Variants in TBC1D5 observed in about 807,000 individuals in gnomAD.
TBC1D5 encodes the protein TBC1 domain family, member 5.
Under a neutral mutation model 100.3 loss-of-function variants are expected in TBC1D5, and 75 were observed. The ratio of observed to expected loss-of-function variants is 0.75; its 90% CI spans 0.62 to 0.91. TBC1D5 has a LOEUF of 0.91. Ranked by LOEUF, TBC1D5 falls within the 40% of genes least tolerant of loss-of-function variation. The pLI is 0.00. For missense variants in TBC1D5, 910 were observed against 942.4 expected (o/e 0.97, Z 0.45); for synonymous variants, 323 against 325.6 (o/e 0.99, Z 0.09).
chr3:17,449,340 GT>G (rs1003644736), intron 3 of TBC1D5, among the ~76,000 whole-genome samples: 31 of 152,182 alleles, frequency 2.0e-4, no homozygotes, highest in Non-Finnish European at 4.0e-4. Flanking sequence ...GCTAGTAGGA[GT>G]TTTTTTCATA....
intron 2 of TBC1D5, among the ~76,000 whole-genome samples, chr3:17,569,618 T>A (rs1265129858): frequency 6.6e-6 from 1 of 151,664 alleles, no homozygotes; most frequent in African/African-American, 2.4e-5. Flanking sequence ...ACAAGAGGAC[T>A]GTATATTATA....
chr3:17,376,419 T>C (rs571792149), intron 10 of TBC1D5, 106 bp downstream of exon 10: 22 of 941,504 alleles, frequency 2.3e-5, no homozygotes, highest in Non-Finnish European at 3.1e-5. Flanking sequence ...TTACAACTTG[T>C]ACAGCTTGTA....
At position 17,330,590 on chromosome 3, in the gene TBC1D5, T is replaced by C. The variant is rs532816316; in HGVS notation, c.996-22456A>G. On this transcript the variant is annotated intron_variant, in intron 13 of 21. Transcript: ENST00000253692. ...ACAGAACTCTCCCATTTTCCAATCA[T>C]CTCACCTAGAAAATTACCAGCACCC... Among the ~76,000 whole-genome samples, 4 of 152,230 alleles carry C rather than the reference T, an allele frequency of 2.6e-5. No homozygotes were observed. The South Asian group carries it at 8.3e-4, about 32-fold the overall frequency.
chr3:17,226,930 A>T (rs577601204), intron 17 of TBC1D5, among the ~76,000 whole-genome samples: 1 of 152,306 alleles, frequency 6.6e-6, no homozygotes, highest in African/African-American at 2.4e-5. Context: ...GTAGTCTTTC[A>T]TTCGTGACCA....
At chr3:17,579,382 G>C (rs1323799733) in intron 2 of TBC1D5, among the ~76,000 whole-genome samples, 4 of 152,042 alleles carry the variant, frequency 2.6e-5, no homozygotes, top group Non-Finnish European at 5.9e-5. Context: ...CTGATCGTAT[G>C]TTCATATAAT....
intron 13 of TBC1D5, among the ~76,000 whole-genome samples, chr3:17,310,603 C>T (rs944749479): frequency 3.9e-5 from 6 of 151,980 alleles, no homozygotes; most frequent in Non-Finnish European, 7.4e-5. Flanking sequence ...ACTGTAAAGC[C>T]ACCTTTACTG....
intron 2 of TBC1D5, among the ~76,000 whole-genome samples, chr3:17,523,134 A>G (rs2096081748): frequency 6.6e-6 from 1 of 152,196 alleles, no homozygotes; most frequent in Non-Finnish European, 1.5e-5. Context: ...TCAGACAGGA[A>G]TCATTATTAC....
intron 3 of TBC1D5, among the ~76,000 whole-genome samples, chr3:17,493,753 G>A (rs761759561): frequency 3.3e-5 from 5 of 151,960 alleles, no homozygotes; most frequent in Admixed American, 2.0e-4. Context: ...CAAAGTTCTC[G>A]CCCTGCATTT....
chr3:17,438,283 T>G (rs1185435351), intron 3 of TBC1D5, among the ~76,000 whole-genome samples: 3 of 152,188 alleles, frequency 2.0e-5, no homozygotes, highest in African/African-American at 7.2e-5. Context: ...TTGAAAATAT[T>G]TCTTTAAACT....
At chr3:17,291,094 A>C (rs1202819409) in intron 15 of TBC1D5, among the ~76,000 whole-genome samples, 2 of 152,254 alleles carry the variant, frequency 1.3e-5, no homozygotes, top group Non-Finnish European at 2.9e-5. Context: ...GACAACTGCC[A>C]ACATGACTGT....
intron 2 of TBC1D5, among the ~76,000 whole-genome samples, chr3:17,518,011 T>A (rs1331488748): frequency 6.6e-6 from 1 of 152,184 alleles, no homozygotes; most frequent in East Asian, 1.9e-4. Flanking sequence ...CTGGCAATAA[T>A]AATAAACATT....
At chr3:17,715,373 C>T (rs747074974) in intron 1 of TBC1D5, among the ~76,000 whole-genome samples, 1 of 152,260 alleles carries the variant, frequency 6.6e-6, no homozygotes, top group Non-Finnish European at 1.5e-5. Context: ...AGCCCTATGA[C>T]AATGATTTTT....
chr3:17,690,316 A>G lies in TBC1D5; in HGVS notation c.-101+49027T>C, dbSNP rs1456242403. ...ACTGCAAGCTCTGCCTCCCGGGTTCACGCCATTCTCCCGCCTCAGCCTCCC... is the reference window on the plus strand; with the variant it reads ...ACTGCAAGCTCTGCCTCCCGGGTTCGCGCCATTCTCCCGCCTCAGCCTCCC... On this transcript the variant is annotated intron_variant, in intron 1 of 21. Transcript: ENST00000253692. Among the ~76,000 whole-genome samples the G allele has an allele frequency of 3.9e-5, 2 of 51,662 alleles. 1 individual carries two copies. The highest frequency in any genetic ancestry group is 7.4e-5 in the Non-Finnish European group (2 of 27,156). The allele number at this position is 51,662 out of a possible 152,430, so 33.9% of individuals were successfully genotyped here.
intron 8 of TBC1D5, among the ~76,000 whole-genome samples, chr3:17,386,128 G>C (rs961668092): frequency 6.6e-6 from 1 of 152,022 alleles, no homozygotes; most frequent in Non-Finnish European, 1.5e-5. Flanking sequence ...GCTACGAATA[G>C]AATAATACTT....
chr3:17,210,777 T>C (rs1040682721), intron 18 of TBC1D5, among the ~76,000 whole-genome samples: 1 of 152,116 alleles, frequency 6.6e-6, no homozygotes. Context: ...TTTGCTTTCT[T>C]TTATTTTCTC....
intron 13 of TBC1D5, among the ~76,000 whole-genome samples, chr3:17,344,405 T>C (rs367947580): frequency 1.3e-5 from 2 of 151,870 alleles, no homozygotes. Context: ...CACTGCTCAA[T>C]GAAATAAAAG....
rs117431744 is a variant in TBC1D5, at chr3:17,717,698, T to C, written c.-101+21645A>G. On this transcript the variant is annotated intron_variant, in intron 1 of 21. Coordinates refer to ENST00000253692, the Ensembl canonical transcript of TBC1D5. ...CTAAGCCTCTTTGTACAAATTTTGA[T>C]ATATGCTTTCTAGTGACTAGGTGGC... Among the ~76,000 whole-genome samples the C allele has an allele frequency of 7.9e-5, 12 of 152,342 alleles. No homozygotes were observed. In the East Asian group the frequency reaches 2.3e-3, roughly 29 times the overall value.
rs1054846149 is a variant in TBC1D5, at chr3:17,724,381, C to T, written c.-101+14962G>A. Among the ~76,000 whole-genome samples, 10 of 152,276 alleles carry T rather than the reference C, an allele frequency of 6.6e-5. No homozygotes were observed. The South Asian group carries it at 2.1e-3, about 32-fold the overall frequency. ...AAGTGCTGGGGTTACAGGCATGAGC[C>T]ACCACACCCAGCCTAGATTGGCAAA... On this transcript the variant is annotated intron_variant, in intron 1 of 21. Transcript: ENST00000253692.
intron 19 of TBC1D5, among the ~76,000 whole-genome samples, chr3:17,175,267 T>C (rs1353781876): frequency 2.6e-5 from 4 of 151,864 alleles, no homozygotes; most frequent in Non-Finnish European, 5.9e-5. Flanking sequence ...AGGGTAAGAC[T>C]AGGCAAATTT....
Sources: gnomAD v4.1 joint callset for allele counts (sites outside exome capture counted in the v4.1 genomes callset) on GRCh38, gnomAD v4.1.1 for gene constraint, MANE v1.5 for transcripts, NCBI Gene and HGNC (gene_info 2026-07-23, HGNC 2026-07-21) for gene names.